STK32C: variants seen among roughly 807,000 people sequenced by gnomAD.
STK32C encodes the protein serine/threonine kinase 32C, also known as serine/threonine-protein kinase 32C.
STK32C carries 31 observed loss-of-function variants against 56.5 expected under a neutral mutation model. That is an observed-to-expected ratio of 0.55 (90% CI 0.41 to 0.74). The LOEUF is 0.74. Ranked by LOEUF, STK32C falls within the 30% of genes least tolerant of loss-of-function variation. The probability of loss-of-function intolerance (pLI) is 0.00; values close to 1 mark genes in which losing one functional copy is unlikely to be tolerated. For missense variants in STK32C, 544 were observed against 676.9 expected (o/e 0.80, Z 2.18); for synonymous variants, 309 against 289.4 (o/e 1.07, Z -0.69).
intron 2 of STK32C, among the ~76,000 whole-genome samples, chr10:132,232,642 T>C (rs776636214): frequency 9.2e-5 from 14 of 152,202 alleles, no homozygotes; most frequent in Admixed American, 5.9e-4. Context: ...AAAATGGAGT[T>C]TGAGGTCTCA....
intron 1 of STK32C, among the ~76,000 whole-genome samples, chr10:132,278,276 C>T (rs996486217): frequency 2.6e-5 from 4 of 152,120 alleles, no homozygotes; most frequent in Non-Finnish European, 4.4e-5. Context: ...CCGCACATGC[C>T]ATGCCTCCGT....
chr10:132,293,307 C>T (rs543781151), intron 1 of STK32C, among the ~76,000 whole-genome samples: 1 of 152,338 alleles, frequency 6.6e-6, no homozygotes, highest in East Asian at 1.9e-4. Flanking sequence ...CAGGGCCAAG[C>T]GACTGTCCTG....
intron 2 of STK32C, among the ~76,000 whole-genome samples, chr10:132,238,483 G>T (rs1475410238): frequency 6.6e-6 from 1 of 152,194 alleles, no homozygotes; most frequent in Non-Finnish European, 1.5e-5. Context: ...GGAAAAGCAG[G>T]GAAAGGCGGG....
chr10:132,243,065 C>T (rs919593619), intron 2 of STK32C, among the ~76,000 whole-genome samples: 2 of 152,198 alleles, frequency 1.3e-5, no homozygotes, highest in Admixed American at 6.5e-5. Context: ...TCTGCACCCC[C>T]CAGCCAAGCC....
intron 2 of STK32C, 22 bp from the exon 3 acceptor site, chr10:132,228,150 G>C (rs201818556): frequency 6.2e-7 from 1 of 1,613,790 alleles, no homozygotes; most frequent in Non-Finnish European, 8.5e-7. Flanking sequence ...AGGGCTGTTC[G>C]GCAGGACGCC....
intron 10 of STK32C, among the ~76,000 whole-genome samples, chr10:132,211,275 G>A (rs1228718693): frequency 6.6e-6 from 1 of 152,196 alleles, no homozygotes; most frequent in Non-Finnish European, 1.5e-5. Flanking sequence ...CAGGAATGAG[G>A]GTCCGACTGA....
Position 132,228,109 on chromosome 10 carries a change from C to T in STK32C, c.338G>A (p.Arg113Gln), listed in dbSNP as rs750235789. 1.2e-6 allele frequency: 2 copies of T among 1,613,996 alleles called. No homozygotes were observed. The highest frequency in any genetic ancestry group is 1.1e-5 in the South Asian group (1 of 91,082). Residue 113 changes from arginine to glutamine, a missense_variant, in exon 3 of 12, where the codon CGG (arginine) becomes CAG (glutamine). By Grantham distance (43) the Arg-to-Gln change is conservative (BLOSUM62 1). Around this residue, in one of 3 missense-constraint regions of STK32C, gnomAD observed 182 missense variants for 217.7 expected, o/e 0.84. Transcript: ENST00000298630. The part of the protein sequence containing the change: ...SFGKVCIVQK[R>Q]DTEKMYAMKY... Reference sequence around the variant, plus strand: ...CATGGCGTACATCTTCTCCGTGTCCCGCTTCTGCACAATGCACACCTGGAG... The same window carrying T: ...CATGGCGTACATCTTCTCCGTGTCCTGCTTCTGCACAATGCACACCTGGAG...
intron 1 of STK32C, among the ~76,000 whole-genome samples, chr10:132,298,604 G>A (rs61674368): frequency 0.054 from 8,216 of 152,154 alleles, 725 homozygotes; most frequent in African/African-American, 0.18. Context: ...TGGGGAGGGA[G>A]GGAGGGGAGC....
chr10:132,210,353 T>G (rs1301425067), intron 10 of STK32C, among the ~76,000 whole-genome samples: 3 of 152,186 alleles, frequency 2.0e-5, no homozygotes, highest in African/African-American at 7.2e-5. Flanking sequence ...GCCTCCCAGG[T>G]TCAAGTGATT....
At chr10:132,251,344 C>A (rs1388208895) in intron 1 of STK32C, among the ~76,000 whole-genome samples, 1 of 152,180 alleles carries the variant, frequency 6.6e-6, no homozygotes, top group African/African-American at 2.4e-5. Context: ...CCATGGGCAG[C>A]CCTGGTCACC....
chr10:132,285,179 A>C (rs1419707281), intron 1 of STK32C, among the ~76,000 whole-genome samples: 1 of 151,646 alleles, frequency 6.6e-6, no homozygotes, highest in Non-Finnish European at 1.5e-5. Flanking sequence ...ATGAACCCAG[A>C]ACACATTCCC....
chr10:132,317,491 G>A (rs2066329107), intron 1 of STK32C, among the ~76,000 whole-genome samples: 1 of 152,208 alleles, frequency 6.6e-6, no homozygotes, highest in Admixed American at 6.5e-5. Context: ...CTTGTACCCA[G>A]AACATATAGG....
chr10:132,308,660 C>T (rs1469816233), upstream of STK32C, among the ~76,000 whole-genome samples: 5 of 152,290 alleles, frequency 3.3e-5, no homozygotes, highest in Admixed American at 2.0e-4. Flanking sequence ...CGCCCGCGCT[C>T]TCGGGCACCC....
intron 1 of STK32C, among the ~76,000 whole-genome samples, chr10:132,248,512 T>C (rs927003810): frequency 6.6e-6 from 1 of 152,354 alleles, no homozygotes; most frequent in South Asian, 2.1e-4. Context: ...CAGGCCCAGG[T>C]TGCCGCTGCC....
chr10:132,262,753 CAAA>C (rs34135037), intron 1 of STK32C, among the ~76,000 whole-genome samples: 2 of 73,380 alleles, frequency 2.7e-5, no homozygotes, highest in African/African-American at 4.6e-5. Flanking sequence ...GACTCCATCT[CAAA>C]AAAAAAAAAA....
chr10:132,330,177 G>A, intron 1 of STK32C: 1 of 447,240 alleles, frequency 2.2e-6, no homozygotes, highest in Non-Finnish European at 4.2e-6. Flanking sequence ...ACAGTAAAGG[G>A]CAAAACATGC....
intron 2 of STK32C, among the ~76,000 whole-genome samples, chr10:132,236,177 G>A (rs997076145): frequency 1.3e-5 from 2 of 152,120 alleles, no homozygotes; most frequent in Non-Finnish European, 2.9e-5. Context: ...TCAGTCAGGA[G>A]CACAGAAAGG....
chr10:132,298,396 G>A (rs1220763168), intron 1 of STK32C, among the ~76,000 whole-genome samples: 2 of 152,264 alleles, frequency 1.3e-5, no homozygotes, highest in African/African-American at 2.4e-5. Context: ...CCAGTGGGGC[G>A]AAGAAGCCGA....
upstream of STK32C, among the ~76,000 whole-genome samples, chr10:132,310,691 A>G (rs2066202650): frequency 6.6e-6 from 1 of 152,246 alleles, no homozygotes; most frequent in South Asian, 2.1e-4. The surrounding 1 kb of genome is among the most constrained non-coding windows in gnomAD (Gnocchi z 4.6). Context: ...GCCCCTTCCA[A>G]TGACAGGAGA....
Sources: gnomAD v4.1 joint callset for allele counts (sites outside exome capture counted in the v4.1 genomes callset) on GRCh38, gnomAD v4.1.1 for gene constraint, gnomAD v4.1.1 regional missense constraint, Gnocchi (gnomAD v3.1) non-coding constraint, MANE v1.5 for transcripts, NCBI Gene and HGNC (gene_info 2026-07-23, HGNC 2026-07-21) for gene names.